FAM186A: variants seen among roughly 807,000 people sequenced by gnomAD.
FAM186A encodes the protein family with sequence similarity 186 member A, also known as protein FAM186A.
FAM186A carries 163 observed loss-of-function variants against 216.8 expected under a neutral mutation model. The observed-to-expected ratio is 0.75, with a 90% CI of 0.66 to 0.86. The LOEUF (loss-of-function observed/expected upper bound fraction) is 0.86, where lower values mean the gene tolerates loss of function less well. FAM186A is among the 40% of genes least tolerant of loss of function. FAM186A has a pLI of 0.00. For synonymous variants in FAM186A, 805 were observed against 1,025.3 expected (o/e 0.79, Z 4.10); for missense variants, 2,184 against 2,746.2 (o/e 0.80, Z 4.58).
chr12:50,356,527 A>G (rs1382506910), intron 3 of FAM186A, among the ~76,000 whole-genome samples: 2 of 152,120 alleles, frequency 1.3e-5, no homozygotes, highest in East Asian at 3.8e-4. Flanking sequence ...TGCAGCCTCA[A>G]CTTCCTTGGC....
In FAM186A at chr12:50,333,918, A is replaced by G. The variant is rs1462476036; in HGVS notation, c.6689T>C (p.Phe2230Ser). 1 of 1,550,548 alleles carries G rather than the reference A, an allele frequency of 6.4e-7. No homozygotes were observed. Among genetic ancestry groups the G allele is most frequent in the South Asian group, 1.2e-5 (1 of 83,698 alleles). ...NQCLKKMIHV[F>S]NQLKKIHELN... ...GAGTGGAAAGCAGGTTACCTGGTTG[A>G]ATACGTGTATCATTTTCTTCAGGCA... The change falls in exon 5 of 8, where the codon TTC (phenylalanine) becomes TCC (serine). Residue 2230 changes from phenylalanine (F) to serine (S), a missense_variant. Coordinates refer to ENST00000327337, the MANE Select transcript of FAM186A (RefSeq NM_001145475.3).
At chr12:50,374,677 A>T (rs1185109367) in intron 1 of FAM186A, among the ~76,000 whole-genome samples, 3 of 152,326 alleles carry the variant, frequency 2.0e-5, no homozygotes, top group African/African-American at 7.2e-5. Context: ...CATTTACAAA[A>T]CATTTACAGC....
At chr12:50,370,541 A>G (rs1047257534) in intron 1 of FAM186A, among the ~76,000 whole-genome samples, 1 of 152,162 alleles carries the variant, frequency 6.6e-6, no homozygotes, top group African/African-American at 2.4e-5. Flanking sequence ...AACCCTGTGC[A>G]CTGCTGGTAG....
chr12:50,395,375 C>T (rs532131406), intron 1 of FAM186A, among the ~76,000 whole-genome samples: 3 of 152,306 alleles, frequency 2.0e-5, no homozygotes, highest in South Asian at 2.1e-4. Flanking sequence ...AGGCATGAAT[C>T]GCTGTGCCTG....
chr12:50,363,461 C>G, intron 1 of FAM186A, 97 bp from the exon 2 acceptor site: 2 of 1,044,474 alleles, frequency 1.9e-6, no homozygotes, highest in Non-Finnish European at 2.7e-6. Flanking sequence ...TAATTTAAAG[C>G]TATCCAATTA....
chr12:50,331,823 T>C lies in FAM186A; in HGVS notation c.6697-2A>G. ...ATTCAATTCATGTATCTTTTTGAGC[T>C]ATAAAAAAAAATAGATCAGAAAAAG... On this transcript the variant is annotated splice_acceptor_variant, in intron 5 of 7. Coordinates refer to ENST00000327337, the MANE Select transcript of FAM186A (RefSeq NM_001145475.3). LOFTEE classifies it high-confidence loss of function. 6.6e-7 allele frequency: 1 copy of C among 1,514,874 alleles called. No individual in the cohort carries two copies. 93.8% of individuals were successfully genotyped at this position (1,514,874 alleles called of 1,614,324 possible). A position where few individuals can be genotyped will look rare whatever the true frequency, so the allele number is the denominator to read the frequency against.
At chr12:50,337,823 G>A (rs60874987) in intron 4 of FAM186A, among the ~76,000 whole-genome samples, 2 of 152,124 alleles carry the variant, frequency 1.3e-5, no homozygotes, top group African/African-American at 2.4e-5. Context: ...TTGAAACTGG[G>A]AGGTGGAGGT....
intron 4 of FAM186A, 71 bp from the exon 5 acceptor site, chr12:50,334,174 TC>T: frequency 1.5e-6 from 2 of 1,300,038 alleles, no homozygotes; most frequent in Non-Finnish European, 2.1e-6. Flanking sequence ...GTCCTCAGTT[TC>T]TTTTTTTTTT....
chr12:50,386,032 G>A (rs1405773490), intron 1 of FAM186A, among the ~76,000 whole-genome samples: 3 of 152,182 alleles, frequency 2.0e-5, no homozygotes, highest in South Asian at 2.1e-4. Context: ...GGAGAAATAA[G>A]TTCAAGAGAT....
Position 50,350,840 on chromosome 12 carries a change from CG to C in FAM186A, c.5991del (p.Glu1998LysfsTer12). ...KFQMSEVSDT[S>X]EETQILRDTF... ...GTGTCTCGAAGTATCTGGGTTTCTT[CG>C]GAAGTGTCAGAGACCTCCGACATTT... On this transcript the variant is annotated frameshift_variant, in exon 4 of 8. Transcript: ENST00000327337. LOFTEE classifies it high-confidence loss of function. 1.3e-6 allele frequency: 2 copies of C among 1,551,590 alleles called. No individual in the cohort carries two copies. The highest frequency in any genetic ancestry group is 8.7e-7 in the Non-Finnish European group (1 of 1,146,992).
intron 4 of FAM186A, among the ~76,000 whole-genome samples, chr12:50,339,741 T>TACACACACACACACACAC (rs10611207): frequency 6.7e-5 from 10 of 148,408 alleles, no homozygotes; most frequent in African/African-American, 2.5e-4. Flanking sequence ...CAAAGTACTT[T>TACACACACACACACACAC]ACACACACAC....
At chr12:50,375,625 G>C (rs1485040514) in intron 1 of FAM186A, among the ~76,000 whole-genome samples, 1 of 149,534 alleles carries the variant, frequency 6.7e-6, no homozygotes, top group Non-Finnish European at 1.5e-5. Flanking sequence ...GCTGAGGCAG[G>C]AGAATCGCCT....
intron 1 of FAM186A, among the ~76,000 whole-genome samples, chr12:50,389,298 T>C (rs184915539): frequency 9.6e-4 from 146 of 152,084 alleles, no homozygotes; most frequent in African/African-American, 3.2e-3. Context: ...TTCGGGAATT[T>C]GAGACCAGCC....
At chr12:50,339,342 C>T (rs1388936470) in intron 4 of FAM186A, among the ~76,000 whole-genome samples, 1 of 152,126 alleles carries the variant, frequency 6.6e-6, no homozygotes, top group Non-Finnish European at 1.5e-5. Context: ...TTAGACTTCA[C>T]CAGCTTGCCT....
chr12:50,393,406 G>A (rs1943382442), intron 1 of FAM186A, among the ~76,000 whole-genome samples: 1 of 151,504 alleles, frequency 6.6e-6, no homozygotes, highest in African/African-American at 2.4e-5. Context: ...GCATGACGGC[G>A]GGTGCCTGTT....
rs1455476096 is a variant in FAM186A at position 50,355,609 on chromosome 12, G to A, written c.1223C>T (p.Thr408Ile). The A allele has an allele frequency of 1.3e-6, 2 of 1,551,502 alleles. No homozygotes were observed. Among genetic ancestry groups the A allele is most frequent in the Admixed American group, 2.0e-5 (1 of 50,972 alleles). Residue 408 changes from threonine to isoleucine, a missense_variant, in exon 4 of 8, where the codon ACA becomes ATA. This residue lies in a region of FAM186A where 1,132 missense variants were observed against 1,263.4 expected (regional missense o/e 0.90). Transcript: ENST00000327337. ...ATCTGGAGTTCTTTCAGCTTGGGCT[G>A]TATATGAAATAGTGGAGTCCCATTT... ...GIKWDSTISY[T>I]AQAERTPDLT...
chr12:50,345,156 C>T lies in FAM186A; in HGVS notation c.6503+5173G>A, dbSNP rs868644051. On this transcript the variant is annotated intron_variant, in intron 4 of 7. Coordinates refer to ENST00000327337, the MANE Select transcript of FAM186A (RefSeq NM_001145475.3). ...ACTTCGTCTAAAAAACAAAACAAAA[C>T]AAAAAACAAAAACAAAACACCACCA... 3.9e-5 allele frequency among the ~76,000 whole-genome samples: 6 copies of T among 152,072 alleles called. No homozygotes were observed. The Middle Eastern group carries it at 0.01, about 259-fold the overall frequency.
chr12:50,344,179 A>T (rs1481399724), intron 4 of FAM186A, among the ~76,000 whole-genome samples: 2 of 151,584 alleles, frequency 1.3e-5, no homozygotes, highest in African/African-American at 4.9e-5. Flanking sequence ...GTTATATTGC[A>T]TGATGCTGAG....
intron 1 of FAM186A, among the ~76,000 whole-genome samples, chr12:50,384,861 A>C (rs1943287390): frequency 6.6e-6 from 1 of 151,932 alleles, no homozygotes; most frequent in Non-Finnish European, 1.5e-5. Flanking sequence ...GCTGGAGTGC[A>C]TTGGCGCGAT....
Sources: allele counts gnomAD v4.1 joint callset (sites outside exome capture counted in the v4.1 genomes callset), GRCh38; gene constraint gnomAD v4.1.1; regional missense constraint gnomAD v4.1.1; transcripts MANE v1.5; gene names NCBI Gene and HGNC (gene_info 2026-07-23, HGNC 2026-07-21).